SV2C: variants seen among roughly 807,000 people sequenced by gnomAD.
The protein encoded by SV2C is solute carrier family 22 member B3.
Under a neutral mutation model 79.7 loss-of-function variants are expected in SV2C, and 49 were observed. The observed-to-expected ratio is 0.61, with a 90% CI of 0.49 to 0.78. The LOEUF (loss-of-function observed/expected upper bound fraction) is 0.78. SV2C is among the 30% of genes least tolerant of loss of function. SV2C has a pLI of 0.00. For missense variants in SV2C, 833 were observed against 912.9 expected (o/e 0.91, Z 1.13); for synonymous variants, 334 against 333.2 (o/e 1.00, Z -0.03).
At chr5:76,171,667 T>G (rs1388529583) in intron 2 of SV2C, among the ~76,000 whole-genome samples, 20 of 85,930 alleles carry the variant, frequency 2.3e-4, no homozygotes, top group Admixed American at 7.5e-4. Context: ...AGGTGGGGGG[T>G]CAGCCCCCCC....
At chr5:76,271,251 G>A (rs1183757061) in intron 4 of SV2C, among the ~76,000 whole-genome samples, 1 of 152,094 alleles carries the variant, frequency 6.6e-6, no homozygotes, top group African/African-American at 2.4e-5. Flanking sequence ...CTTAACATAC[G>A]CTCTGCCAAA....
the SV2C span, among the ~76,000 whole-genome samples, chr5:76,073,589 T>G: frequency 4.9e-5 from 7 of 141,928 alleles, no homozygotes; most frequent in Non-Finnish European, 1.1e-4. Flanking sequence ...TGAAATAATG[T>G]CATTCACAGC....
intron 2 of SV2C, among the ~76,000 whole-genome samples, chr5:76,141,343 C>G (rs1161556396): frequency 6.6e-6 from 1 of 152,188 alleles, no homozygotes; most frequent in African/African-American, 2.4e-5. Flanking sequence ...TATTTCTACA[C>G]TCTGAATCAT....
Position 76,340,518 on chromosome 5 carries a change from G to T in SV2C, c.2001-12612G>T, listed in dbSNP as rs549296677. 2.6e-5 allele frequency among the ~76,000 whole-genome samples: 4 copies of T among 152,274 alleles called. No individual in the cohort carries two copies. In the East Asian group the frequency reaches 5.8e-4, roughly 22 times the overall value. On this transcript the variant is annotated intron_variant, in intron 12 of 12. Coordinates refer to the SV2C transcript ENST00000322285. ...AGTGGGCAGCAGGATATTCCAGGAAGTCATCCTGCAGTGGGACAGCTAGCA... is the reference window on the plus strand; with the variant it reads ...AGTGGGCAGCAGGATATTCCAGGAATTCATCCTGCAGTGGGACAGCTAGCA...
chr5:76,283,097 G>A (rs564387274), intron 4 of SV2C, among the ~76,000 whole-genome samples: 1 of 152,136 alleles, frequency 6.6e-6, no homozygotes, highest in Admixed American at 6.5e-5. Flanking sequence ...GGCAGATCAC[G>A]AGATCAGGAG....
At chr5:76,166,231 T>TC (rs1743043151) in intron 2 of SV2C, among the ~76,000 whole-genome samples, 1 of 152,218 alleles carries the variant, frequency 6.6e-6, no homozygotes, top group African/African-American at 2.4e-5. Context: ...ACCTAACACA[T>TC]AATGACACAG....
chr5:76,237,657 G>C (rs1376924224), intron 4 of SV2C, among the ~76,000 whole-genome samples: 3 of 152,162 alleles, frequency 2.0e-5, no homozygotes, highest in Non-Finnish European at 4.4e-5. Flanking sequence ...ATAACTGACA[G>C]TGTCTTTATC....
At chr5:76,006,563 C>G in the SV2C span, among the ~76,000 whole-genome samples, 1 of 152,146 alleles carries the variant, frequency 6.6e-6, no homozygotes, top group African/African-American at 2.4e-5. Flanking sequence ...ATCCCTGAAC[C>G]TGGCATTTGA....
At chr5:76,240,095 TGA>T (rs1332556664) in intron 4 of SV2C, among the ~76,000 whole-genome samples, 2 of 152,194 alleles carry the variant, frequency 1.3e-5, no homozygotes, top group African/African-American at 4.8e-5. Context: ...TCTTGAAAGA[TGA>T]AGAATGTGAA....
At chr5:76,260,829 T>C (rs887042876) in intron 4 of SV2C, among the ~76,000 whole-genome samples, 2 of 151,154 alleles carry the variant, frequency 1.3e-5, no homozygotes, top group African/African-American at 4.9e-5. Flanking sequence ...AGTACCATGC[T>C]ATCTTGGTTA....
At chr5:75,950,542 A>G in the SV2C span, among the ~76,000 whole-genome samples, 6 of 152,040 alleles carry the variant, frequency 3.9e-5, no homozygotes, top group Admixed American at 1.3e-4. Context: ...TACTTATTGT[A>G]ATGATACTAC....
intron 4 of SV2C, among the ~76,000 whole-genome samples, chr5:76,261,150 T>A (rs1188191724): frequency 6.6e-6 from 1 of 152,198 alleles, no homozygotes; most frequent in Non-Finnish European, 1.5e-5. Context: ...CTTGAAGAGA[T>A]CCTTCATGTC....
the SV2C span, among the ~76,000 whole-genome samples, chr5:75,849,414 T>C: frequency 6.6e-6 from 1 of 152,166 alleles, no homozygotes; most frequent in Non-Finnish European, 1.5e-5. Context: ...ACACAAAAAA[T>C]CCTGTGCTAT....
intron 2 of SV2C, 71 bp from the exon 3 acceptor site, chr5:76,194,847 TG>T (rs903034659): frequency 1.4e-5 from 21 of 1,542,934 alleles, no homozygotes; most frequent in Admixed American, 5.9e-5. Flanking sequence ...TTTTGTTCCT[TG>T]TTCACTTGCT....
At chr5:75,952,294 C>CCTTCCTTCCTTT in the SV2C span, among the ~76,000 whole-genome samples, 1 of 138,560 alleles carries the variant, frequency 7.2e-6, no homozygotes, top group African/African-American at 2.6e-5. Context: ...TTCCTTTCTT[C>CCTTCCTTCCTTT]CTTCCTTCCT....
the SV2C span, among the ~76,000 whole-genome samples, chr5:75,929,857 A>G: frequency 6.6e-6 from 1 of 152,336 alleles, no homozygotes; most frequent in South Asian, 2.1e-4. Context: ...TACGTTTTGT[A>G]AAATATTGGT....
intron 12 of SV2C, 126 bp downstream of exon 12, chr5:76,301,671 G>A (rs1748006076): frequency 9.4e-7 from 1 of 1,060,008 alleles, no homozygotes; most frequent in Non-Finnish European, 1.3e-6. Flanking sequence ...TACTTTGGAA[G>A]GCCAAGGTGG....
chr5:76,286,188 A>G (rs1178763574), intron 6 of SV2C, among the ~76,000 whole-genome samples: 1 of 152,178 alleles, frequency 6.6e-6, no homozygotes, highest in Non-Finnish European at 1.5e-5. Flanking sequence ...GATGGGGTTA[A>G]GGTGGAAAGA....
At chr5:75,984,565 C>A in the SV2C span, among the ~76,000 whole-genome samples, 1,297 of 55,616 alleles carry the variant, frequency 0.023, 14 homozygotes, top group African/African-American at 0.057. Context: ...ATCTATCTAT[C>A]TATATCTATC....
Sources: allele counts gnomAD v4.1 joint callset (sites outside exome capture counted in the v4.1 genomes callset), GRCh38; gene constraint gnomAD v4.1.1; transcripts MANE v1.5; gene names NCBI Gene and HGNC (gene_info 2026-07-23, HGNC 2026-07-21).